PTPRT: variants seen among roughly 807,000 people sequenced by gnomAD.
PTPRT encodes protein tyrosine phosphatase receptor type T.
PTPRT carries 56 observed loss-of-function variants against 176.8 expected under a neutral mutation model. The observed-to-expected ratio is 0.32, with a 90% CI of 0.26 to 0.40. PTPRT has a LOEUF of 0.40. PTPRT is among the 10% of genes least tolerant of loss of function. The pLI is 1.00. For synonymous variants in PTPRT, 783 were observed against 739.0 expected (o/e 1.06, Z -0.96); for missense variants, 1,540 against 1,908.2 (o/e 0.81, Z 3.60).
chr20:43,122,873 G>A (rs1046854609), intron 1 of PTPRT, among the ~76,000 whole-genome samples: 8 of 152,264 alleles, frequency 5.3e-5, no homozygotes, highest in African/African-American at 1.7e-4. Flanking sequence ...TTGTTTTTGA[G>A]ATGGAGTTTC....
intron 9 of PTPRT, among the ~76,000 whole-genome samples, chr20:42,393,276 G>A (rs141176947): frequency 5.9e-4 from 90 of 152,258 alleles, no homozygotes; most frequent in Middle Eastern, 6.8e-3. Context: ...GAACCCCATC[G>A]ATTGTGAAGT....
chr20:42,991,557 G>T (rs562648082), intron 1 of PTPRT, among the ~76,000 whole-genome samples: 3 of 151,974 alleles, frequency 2.0e-5, no homozygotes, highest in African/African-American at 7.2e-5. Context: ...AGGGACTGGT[G>T]GGGGGCAGAT....
chr20:42,111,415 G>A (rs6016686), intron 22 of PTPRT, among the ~76,000 whole-genome samples: 35,628 of 152,072 alleles, frequency 0.23, 4,276 homozygotes, highest in African/African-American at 0.29. Flanking sequence ...TCCTATCCCT[G>A]GAACAGCTCA....
intron 1 of PTPRT, among the ~76,000 whole-genome samples, chr20:43,116,236 C>T (rs1020416244): frequency 1.3e-5 from 2 of 152,146 alleles, no homozygotes; most frequent in Non-Finnish European, 2.9e-5. Context: ...TCTCAAATGC[C>T]GCATGGAACC....
chr20:43,080,305 G>T (rs761765237), intron 1 of PTPRT, among the ~76,000 whole-genome samples: 1 of 152,188 alleles, frequency 6.6e-6, no homozygotes, highest in Non-Finnish European at 1.5e-5. Flanking sequence ...CTGCAGTGAC[G>T]ACTACAGAGA....
At chr20:42,725,939 C>T (rs1472595899) in intron 6 of PTPRT, among the ~76,000 whole-genome samples, 1 of 151,996 alleles carries the variant, frequency 6.6e-6, no homozygotes, top group Non-Finnish European at 1.5e-5. Flanking sequence ...ACGGTGGGCC[C>T]AGATAAATTG....
rs145162424 is a variant in PTPRT, at chr20:42,117,253, C to T, written c.2982+1150G>A. On this transcript the variant is annotated intron_variant, in intron 21 of 30. Coordinates refer to ENST00000373187, the MANE Select transcript of PTPRT (RefSeq NM_007050.6). ...GCCCAGATTGTCTCCTTCCCATCGT[C>T]GCAGAGGCCAGAATTCATCTTTATG... 1.6e-4 allele frequency among the ~76,000 whole-genome samples: 25 copies of T among 152,292 alleles called. 1 individual carries two copies. In the East Asian group the frequency reaches 3.1e-3, roughly 19 times the overall value.
intron 7 of PTPRT, among the ~76,000 whole-genome samples, chr20:42,569,047 C>CAAAA (rs869193461): frequency 9.8e-5 from 2 of 20,446 alleles, no homozygotes; most frequent in Non-Finnish European, 1.7e-4. Flanking sequence ...GACTCCATCT[C>CAAAA]AAAAAAAAAA....
At chr20:42,432,501 G>A (rs1007026509) in intron 9 of PTPRT, among the ~76,000 whole-genome samples, 1 of 152,130 alleles carries the variant, frequency 6.6e-6, no homozygotes, top group Non-Finnish European at 1.5e-5. Flanking sequence ...TTGGCCATGG[G>A]GGAAAGGAAA....
intron 7 of PTPRT, among the ~76,000 whole-genome samples, chr20:42,482,308 A>G (rs536475175): frequency 2.2e-4 from 33 of 152,232 alleles, no homozygotes; most frequent in African/African-American, 7.9e-4. Flanking sequence ...GCCTTTCACC[A>G]CACATGCACA....
chr20:42,693,952 G>T (rs4560192), intron 6 of PTPRT, among the ~76,000 whole-genome samples: 12,600 of 151,660 alleles, frequency 0.083, 581 homozygotes, highest in South Asian at 0.16. Flanking sequence ...TTTCCAAAAA[G>T]ACAATATATA....
intron 13 of PTPRT, among the ~76,000 whole-genome samples, chr20:42,264,727 A>G (rs2056809855): frequency 6.6e-6 from 1 of 152,194 alleles, no homozygotes; most frequent in African/African-American, 2.4e-5. Context: ...GCCTTGGGTC[A>G]CTGCAGGAGC....
chr20:42,741,712 G>T (rs1412887187), intron 6 of PTPRT, among the ~76,000 whole-genome samples: 1 of 152,128 alleles, frequency 6.6e-6, no homozygotes, highest in Non-Finnish European at 1.5e-5. Flanking sequence ...AGTCAACCAA[G>T]AGTCTTATGG....
intron 5 of PTPRT, among the ~76,000 whole-genome samples, chr20:42,767,746 C>T (rs2077002588): frequency 7.0e-6 from 1 of 142,462 alleles, no homozygotes; most frequent in South Asian, 2.2e-4. Context: ...TTAATGAGTG[C>T]TATATAAAGA....
chr20:43,181,317 T>G (rs955646486), intron 1 of PTPRT, among the ~76,000 whole-genome samples: 1 of 152,128 alleles, frequency 6.6e-6, no homozygotes, highest in Admixed American at 6.5e-5. Flanking sequence ...GCCACTGCAT[T>G]GGGGGAGTGA....
chr20:42,386,871 CA>C lies in PTPRT; in HGVS notation c.1561-34587del, dbSNP rs909663008. ...TGAGACTCCGTCTCAAACAAACAAA[CA>C]AAAAAAAAGAATTATTATCTTCATT... is the stretch of plus-strand genomic sequence containing the variant. On this transcript the variant is annotated intron_variant, in intron 9 of 30. Coordinates refer to ENST00000373187, the MANE Select transcript of PTPRT (RefSeq NM_007050.6). 3.0e-3 allele frequency among the ~76,000 whole-genome samples: 446 copies of C among 150,350 alleles called. 5 individuals carry two copies. The highest frequency in any genetic ancestry group is 0.01 in the African/African-American group (429 of 41,040).
chr20:42,078,922 A>G lies in PTPRT; in HGVS notation c.*1957T>C. On this transcript the variant is annotated 3_prime_UTR_variant, in exon 31 of 31. Transcript: ENST00000373187. ...ATGGAACACTCATCCACTCCACACTACTGCACCATGGTTCCATTTCCCCAG... is the reference window on the plus strand; with the variant it reads ...ATGGAACACTCATCCACTCCACACTGCTGCACCATGGTTCCATTTCCCCAG... 5.7e-6 allele frequency: 1 copy of G among 175,892 alleles called. No individual in the cohort carries two copies. The highest frequency in any genetic ancestry group is 1.2e-5 in the Non-Finnish European group (1 of 81,530). The allele number at this position is 175,892 out of a possible 1,614,324, so 10.9% of individuals were successfully genotyped here.
At chr20:42,057,631 C>T in the PTPRT span, among the ~76,000 whole-genome samples, 182 of 152,170 alleles carry the variant, frequency 1.2e-3, 1 homozygote, top group African/African-American at 3.5e-3. Flanking sequence ...CTCTGTCACC[C>T]AGGCTGGAAT....
intron 7 of PTPRT, among the ~76,000 whole-genome samples, chr20:42,578,984 T>C (rs1479855391): frequency 6.6e-6 from 1 of 151,328 alleles, no homozygotes; most frequent in Non-Finnish European, 1.5e-5. Flanking sequence ...TGTATACATG[T>C]GCCATGTTGG....
Sources: gnomAD v4.1 joint callset for allele counts (sites outside exome capture counted in the v4.1 genomes callset) on GRCh38, gnomAD v4.1.1 for gene constraint, MANE v1.5 for transcripts, NCBI Gene and HGNC (gene_info 2026-07-23, HGNC 2026-07-21) for gene names.